The following RAD54B variants were observed in gnomAD, a reference collection of about 807,000 sequenced individuals.
RAD54B encodes DNA repair and recombination protein RAD54B.
A neutral mutation model predicts 95.8 loss-of-function variants in RAD54B; 78 were observed. The ratio of observed to expected loss-of-function variants is 0.81; its 90% CI spans 0.68 to 0.98. The LOEUF is 0.98. Ranked by LOEUF, RAD54B falls within the 50% of genes least tolerant of loss-of-function variation. The pLI is 0.00. For synonymous variants in RAD54B, 328 were observed against 354.9 expected, an observed-to-expected ratio of 0.92 and a Z score of 0.85; for missense variants, 957 against 1,056.6, an observed-to-expected ratio of 0.91 and a Z score of 1.31.
At chr8:94,378,709 A>G (rs777515642) in intron 12 of RAD54B, 75 bp from the exon 13 acceptor site, 103 of 1,025,646 alleles carry the variant, frequency 1.0e-4, no homozygotes, top group Non-Finnish European at 1.4e-4. Flanking sequence ...ATTTGCAGAA[A>G]TATGTTTTAA....
At chr8:94,427,887 A>T (rs906898821) in intron 3 of RAD54B, 4 of 947,096 alleles carry the variant, frequency 4.2e-6, no homozygotes, top group Non-Finnish European at 5.0e-6. Context: ...CATAGTTTAA[A>T]CATTTTCACA....
At chr8:94,443,270 T>C in intron 3 of RAD54B, among the ~76,000 whole-genome samples, 1 of 152,112 alleles carries the variant, frequency 6.6e-6, no homozygotes. Flanking sequence ...AGCTGAATGA[T>C]GAGAACGCAT....
In RAD54B at chr8:94,400,359, C is replaced by T. The variant is rs115402369; in HGVS notation, c.1049G>A (p.Gly350Glu). 1.2e-6 allele frequency: 2 copies of T among 1,613,764 alleles called. No homozygotes were observed. The highest frequency in any genetic ancestry group is 1.7e-6 in the Non-Finnish European group (2 of 1,179,876). The change falls in exon 7 of 15, where the codon GGA (glycine) becomes GAA (glutamate). Residue 350 changes from glycine to glutamate, a missense_variant. Coordinates refer to ENST00000336148, the MANE Select transcript of RAD54B (RefSeq NM_012415.3). ...IWTLQCQGPY[G>E]GKPVIKKTLI... is the part of the protein sequence containing the mutation. ...TGTCTTCTTTATTACTGGCTTGCCT[C>T]CATAGGGTCCCTGACACTGCAGGGT...
At chr8:94,441,938 T>C (rs1425431571) in intron 3 of RAD54B, among the ~76,000 whole-genome samples, 5 of 152,206 alleles carry the variant, frequency 3.3e-5, no homozygotes, top group Non-Finnish European at 5.9e-5. Flanking sequence ...AGTTGGAGAT[T>C]TTTGTGAAAC....
intron 1 of RAD54B, among the ~76,000 whole-genome samples, chr8:94,470,931 C>A (rs975888710): frequency 6.6e-6 from 1 of 152,142 alleles, no homozygotes; most frequent in Non-Finnish European, 1.5e-5. Flanking sequence ...CCCAAGCTAG[C>A]CATGTTCTCT....
intron 3 of RAD54B, among the ~76,000 whole-genome samples, chr8:94,444,522 A>G (rs1336411953): frequency 6.6e-6 from 1 of 152,236 alleles, no homozygotes; most frequent in East Asian, 1.9e-4. Context: ...AATGAAAACA[A>G]AAAACATCCA....
At chr8:94,427,590 A>C in intron 3 of RAD54B, 2 of 378,638 alleles carry the variant, frequency 5.3e-6, no homozygotes, top group South Asian at 1.1e-4. Context: ...GATATGGTAC[A>C]TTGGCCATCT....
chr8:94,420,471 G>A (rs1032432585), intron 3 of RAD54B, among the ~76,000 whole-genome samples: 2 of 151,484 alleles, frequency 1.3e-5, no homozygotes, highest in Non-Finnish European at 2.9e-5. Context: ...TTTTGCCCAG[G>A]CTGGTGTCGA....
chr8:94,418,602 C>T (rs1478784911), intron 3 of RAD54B, among the ~76,000 whole-genome samples: 1 of 152,106 alleles, frequency 6.6e-6, no homozygotes, highest in African/African-American at 2.4e-5. Flanking sequence ...CTCCCTCATG[C>T]TATTGCTTTA....
At chr8:94,457,651 T>A (rs1312394768) in intron 3 of RAD54B, among the ~76,000 whole-genome samples, 1 of 152,184 alleles carries the variant, frequency 6.6e-6, no homozygotes, top group Admixed American at 6.5e-5. Context: ...AAAACATGAA[T>A]AAAATGTAAT....
At chr8:94,471,360 C>T (rs960733678) in intron 1 of RAD54B, among the ~76,000 whole-genome samples, 2 of 151,874 alleles carry the variant, frequency 1.3e-5, no homozygotes, top group African/African-American at 4.8e-5. Flanking sequence ...CATGTCCAGC[C>T]TCATTCTAAT....
chr8:94,398,576 A>G (rs182225654), intron 8 of RAD54B, among the ~76,000 whole-genome samples: 12 of 152,256 alleles, frequency 7.9e-5, no homozygotes, highest in Non-Finnish European at 1.6e-4. Context: ...GAATAATCAT[A>G]TCCTGACCAT....
chr8:94,401,019 T>G (rs1181768659), intron 6 of RAD54B, among the ~76,000 whole-genome samples: 2 of 152,178 alleles, frequency 1.3e-5, no homozygotes, highest in African/African-American at 4.8e-5. Context: ...GTTATATAAT[T>G]TAAAATTAAA....
At chr8:94,394,897 G>T (rs1439121384) in intron 8 of RAD54B, among the ~76,000 whole-genome samples, 1 of 151,992 alleles carries the variant, frequency 6.6e-6, no homozygotes, top group Non-Finnish European at 1.5e-5. Context: ...AACTTAATGG[G>T]TCCTCCCCAC....
At chr8:94,436,509 C>G (rs1318910164) in intron 3 of RAD54B, 1 of 1,547,176 alleles carries the variant, frequency 6.5e-7, no homozygotes, top group Non-Finnish European at 8.7e-7. Flanking sequence ...GTATGTGGTT[C>G]CTGTCTCTTA....
chr8:94,384,516 TAGATTTCAGTTTTGTTTGCAAAACTGAA>T (rs1810823102), intron 11 of RAD54B, among the ~76,000 whole-genome samples: 1 of 34,592 alleles, frequency 2.9e-5, no homozygotes, highest in South Asian at 7.9e-4. Flanking sequence ...TGGTGTTTAA[TAGATTTCAGTTTTGTTTGCAAAACTGAA>T]ATAGTATTTC....
chr8:94,474,376 AT>A (rs989948990), intron 1 of RAD54B, among the ~76,000 whole-genome samples: 1 of 152,130 alleles, frequency 6.6e-6, no homozygotes, highest in African/African-American at 2.4e-5. Context: ...GCTGAAAATA[AT>A]TTTTTTGATA....
In RAD54B at chr8:94,404,040, A is replaced by T. The variant is rs202143361; in HGVS notation, c.944+37T>A. On this transcript the variant is annotated intron_variant, in intron 6 of 14. Transcript: ENST00000336148. ...TTATTGTGTTACAGGTTAAATCAAA[A>T]TTCAGATTAGATTAAACAAATGATT... is the stretch of plus-strand genomic sequence containing the variant. The T allele has an allele frequency of 2.2e-4, 325 of 1,483,918 alleles. 2 individuals are homozygous for T. Among genetic ancestry groups the T allele is most frequent in the Middle Eastern group, 7.0e-4 (4 of 5,678 alleles). The allele number at this position is 1,483,918 out of a possible 1,614,324, so 91.9% of individuals were successfully genotyped here. A position where few individuals can be genotyped will look rare whatever the true frequency, so the allele number is the denominator to read the frequency against.
intron 1 of RAD54B, among the ~76,000 whole-genome samples, chr8:94,470,089 T>C (rs1813130619): frequency 6.6e-6 from 1 of 152,188 alleles, no homozygotes; most frequent in South Asian, 2.1e-4. Context: ...ACATTATCTG[T>C]TTCACCCAGA....
Sources: gnomAD v4.1 joint callset for allele counts (sites outside exome capture counted in the v4.1 genomes callset) on GRCh38, gnomAD v4.1.1 for gene constraint, MANE v1.5 for transcripts, NCBI Gene and HGNC (gene_info 2026-07-23, HGNC 2026-07-21) for gene names.